The following ZMYND11 variants were observed in gnomAD, a reference collection of about 807,000 sequenced individuals.
The protein encoded by ZMYND11 is zinc finger MYND domain-containing protein 11.
Under a neutral mutation model 84.9 loss-of-function variants are expected in ZMYND11, and 9 were observed. The ratio of observed to expected loss-of-function variants is 0.11; its 90% CI spans 0.06 to 0.18. ZMYND11 has a LOEUF of 0.18. Ranked by LOEUF, ZMYND11 falls within the 10% of genes least tolerant of loss-of-function variation. The probability of loss-of-function intolerance (pLI) is 1.00; values close to 1 mark genes in which losing one functional copy is unlikely to be tolerated. For missense variants in ZMYND11, 409 were observed against 761.0 expected, an observed-to-expected ratio of 0.54 and a Z score of 5.44; for synonymous variants, 250 against 244.1, an observed-to-expected ratio of 1.02 and a Z score of -0.23.
intron 2 of ZMYND11, among the ~76,000 whole-genome samples, chr10:196,064 A>G (rs1041723925): frequency 1.3e-5 from 2 of 152,316 alleles, no homozygotes; most frequent in East Asian, 1.9e-4. Context: ...AGTCAGGTCT[A>G]TTGATGACCC....
chr10:215,127 T>C (rs1227443821), intron 3 of ZMYND11, among the ~76,000 whole-genome samples: 1 of 152,222 alleles, frequency 6.6e-6, no homozygotes, highest in Non-Finnish European at 1.5e-5. Flanking sequence ...TAGAATATTA[T>C]TTGACAGATA....
chr10:140,377 A>G (rs192794190), intron 1 of ZMYND11, among the ~76,000 whole-genome samples: 1 of 152,346 alleles, frequency 6.6e-6, no homozygotes, highest in Non-Finnish European at 1.5e-5. Flanking sequence ...ACCTGCTGTT[A>G]CTGTTTTTCC....
In ZMYND11 at chr10:157,184, A is replaced by T. The variant is rs533635230; in HGVS notation, c.-20+21625A>T. 2.6e-5 allele frequency among the ~76,000 whole-genome samples: 4 copies of T among 152,236 alleles called. No homozygotes were observed. The South Asian group carries it at 8.3e-4, about 32-fold the overall frequency. ...ATAATTCTCTCTAGTATATTTGAAAATTTCCGTAATAGCTTTTTTAATTTT... is the reference window on the plus strand; with the variant it reads ...ATAATTCTCTCTAGTATATTTGAAATTTTCCGTAATAGCTTTTTTAATTTT... On this transcript the variant is annotated intron_variant, in intron 1 of 14. Transcript: ENST00000381604.
At position 252,668 on chromosome 10, in the gene ZMYND11, A is replaced by G. The variant is rs1953737866; in HGVS notation, c.*198A>G. ...AAGTTTTTCAGGGGGTAAAAGTAAC[A>G]TCAGTGGAGGGTATTATTTTAAATA... is the stretch of plus-strand genomic sequence containing the variant. On this transcript the variant is annotated 3_prime_UTR_variant, in exon 15 of 15. Transcript: ENST00000381604. This position sits in a 1 kb window ranked among gnomAD's most constrained non-coding sequence, Gnocchi z 4.6. 1 of 510,128 alleles carries G rather than the reference A, an allele frequency of 2.0e-6. No homozygotes were observed. The highest frequency in any genetic ancestry group is 3.3e-6 in the Non-Finnish European group (1 of 300,228). 31.6% of individuals were successfully genotyped at this position (510,128 alleles called of 1,614,324 possible).
upstream of ZMYND11, among the ~76,000 whole-genome samples, chr10:134,104 A>G (rs1835417066): frequency 6.6e-6 from 1 of 152,130 alleles, no homozygotes; most frequent in Non-Finnish European, 1.5e-5. Context: ...GTAGTGCTGA[A>G]CCTTACTTAC....
At chr10:198,143 A>G in intron 2 of ZMYND11, 1 of 377,396 alleles carries the variant, frequency 2.6e-6, no homozygotes, top group Non-Finnish European at 4.7e-6. Context: ...TTTCCTTTTT[A>G]TAAAATGGAA....
At chr10:177,101 C>G (rs1208695284) in intron 1 of ZMYND11, among the ~76,000 whole-genome samples, 1 of 152,114 alleles carries the variant, frequency 6.6e-6, no homozygotes, top group Admixed American at 6.6e-5. Flanking sequence ...GTCCGTTTTG[C>G]TTATTGCTAT....
chr10:148,903 A>G (rs1183193194), intron 1 of ZMYND11, among the ~76,000 whole-genome samples: 1 of 152,204 alleles, frequency 6.6e-6, no homozygotes, highest in Non-Finnish European at 1.5e-5. Flanking sequence ...GCTAAGTCAA[A>G]TTTTCTTAAA....
chr10:253,615 C>T lies in ZMYND11; in HGVS notation c.*1145C>T, dbSNP rs898571682. 10 of 152,596 alleles carry T rather than the reference C, an allele frequency of 6.6e-5. No homozygotes were observed. The highest frequency in any genetic ancestry group is 6.5e-4 in the Admixed American group (10 of 15,278). The allele number at this position is 152,596 out of a possible 1,614,324, so 9.5% of individuals were successfully genotyped here. A position where few individuals can be genotyped will look rare whatever the true frequency, so the allele number is the denominator to read the frequency against. On this transcript the variant is annotated 3_prime_UTR_variant, in exon 15 of 15. Coordinates refer to ENST00000381604, the MANE Select transcript of ZMYND11 (RefSeq NM_001370100.5). Reference sequence around the variant, plus strand: ...GATAGTTGAATAATGATTTTTTATACATAGATATATAAAATACAGCCAGGA... The same window carrying T: ...GATAGTTGAATAATGATTTTTTATATATAGATATATAAAATACAGCCAGGA...
intron 4 of ZMYND11, among the ~76,000 whole-genome samples, chr10:226,703 C>T (rs1948198909): frequency 6.6e-6 from 1 of 152,142 alleles, no homozygotes; most frequent in South Asian, 2.1e-4. Context: ...GTTTTCTTTT[C>T]CATACTTGGC....
At chr10:177,590 A>G (rs571490423) in intron 1 of ZMYND11, among the ~76,000 whole-genome samples, 2 of 152,264 alleles carry the variant, frequency 1.3e-5, no homozygotes, top group East Asian at 3.9e-4. Flanking sequence ...TGTTATATAA[A>G]TAGTTACATT....
intron 14 of ZMYND11, among the ~76,000 whole-genome samples, chr10:251,903 A>AC (rs1276668532): frequency 1.3e-5 from 2 of 152,102 alleles, no homozygotes. Flanking sequence ...GTTGTAAGTG[A>AC]CCCTGCTAGC....
intron 1 of ZMYND11, among the ~76,000 whole-genome samples, chr10:145,132 C>T (rs970520929): frequency 6.7e-6 from 1 of 148,742 alleles, no homozygotes; most frequent in Non-Finnish European, 1.5e-5. Context: ...TGAGAGTATT[C>T]CATATATATA....
intron 1 of ZMYND11, among the ~76,000 whole-genome samples, chr10:140,585 CTAAT>C (rs1554753744): frequency 6.6e-6 from 1 of 152,074 alleles, no homozygotes; most frequent in Non-Finnish European, 1.5e-5. Context: ...AAAAAATAAC[CTAAT>C]TAGATATTTA....
chr10:194,239 C>T (rs1051186867), intron 2 of ZMYND11, among the ~76,000 whole-genome samples: 3 of 151,070 alleles, frequency 2.0e-5, no homozygotes, highest in African/African-American at 4.9e-5. Flanking sequence ...ATCTACCCAC[C>T]TCAGCCTCCC....
chr10:154,513 G>C (rs1841226621), intron 1 of ZMYND11, among the ~76,000 whole-genome samples: 1 of 152,204 alleles, frequency 6.6e-6, no homozygotes, highest in Admixed American at 6.5e-5. Context: ...GGAGGCCCCA[G>C]CTGGGAGTGT....
chr10:222,148 G>A (rs1258542721), intron 4 of ZMYND11, among the ~76,000 whole-genome samples: 4 of 152,110 alleles, frequency 2.6e-5, no homozygotes, highest in African/African-American at 9.7e-5. Context: ...GATTACTCGT[G>A]ATTTCCAGTT....
At chr10:164,137 A>G (rs978949601) in intron 1 of ZMYND11, among the ~76,000 whole-genome samples, 13 of 152,136 alleles carry the variant, frequency 8.5e-5, no homozygotes, top group African/African-American at 2.9e-4. Context: ...AATCCAAGCT[A>G]CTTATTGTAG....
At chr10:152,988 A>G (rs1373085248) in intron 1 of ZMYND11, among the ~76,000 whole-genome samples, 1 of 152,256 alleles carries the variant, frequency 6.6e-6, no homozygotes, top group African/African-American at 2.4e-5. Flanking sequence ...ATGAAGGCAG[A>G]AGTAAATTCA....
Sources: gnomAD v4.1 joint callset for allele counts (sites outside exome capture counted in the v4.1 genomes callset) on GRCh38, gnomAD v4.1.1 for gene constraint, Gnocchi (gnomAD v3.1) non-coding constraint, MANE v1.5 for transcripts, NCBI Gene and HGNC (gene_info 2026-07-23, HGNC 2026-07-21) for gene names.